Variants in FBXL17 observed in about 807,000 individuals in gnomAD.
FBXL17 encodes the protein F-box/LRR-repeat protein 17.
In FBXL17, 22 loss-of-function variants were observed where a neutral mutation model predicts 66.2. The observed-to-expected ratio is 0.33, with a 90% CI of 0.24 to 0.47. The LOEUF (loss-of-function observed/expected upper bound fraction) is 0.47, where lower values mean the gene tolerates loss of function less well. Among genes scored for constraint, FBXL17 ranks in the 20% least tolerant of loss-of-function variants. The pLI, the probability that FBXL17 is intolerant of heterozygous loss-of-function variation, is 1.00. For synonymous variants in FBXL17, 474 were observed against 400.5 expected, an observed-to-expected ratio of 1.18 and a Z score of -2.19; for missense variants, 878 against 948.2, an observed-to-expected ratio of 0.93 and a Z score of 0.97.
At chr5:107,956,044 G>A (rs1025216202) in intron 7 of FBXL17, among the ~76,000 whole-genome samples, 1 of 152,000 alleles carries the variant, frequency 6.6e-6, no homozygotes, top group Non-Finnish European at 1.5e-5. Flanking sequence ...GACACAGAAG[G>A]AATCTTATCA....
Position 108,367,931 on chromosome 5 carries a change from T to A in FBXL17, c.1016A>T (p.Asp339Val). The change falls in exon 2 of 9, where the codon GAT (aspartate) becomes GTT (valine). Residue 339 changes from aspartate to valine, a missense_variant. This residue lies in a region of FBXL17 where 605 missense variants were observed against 509.5 expected (regional missense o/e 1.19). Transcript: ENST00000542267. Reference protein sequence around the residue: ...LLKIFSNLSLDERCLSASLVC... With the variant: ...LLKIFSNLSLVERCLSASLVC... ...CAATGATGCGGAAAGGCAACGCTCATCCAGTGACAAATTGGAAAATATCTG... is the reference window on the plus strand; with the variant it reads ...CAATGATGCGGAAAGGCAACGCTCAACCAGTGACAAATTGGAAAATATCTG... 6.4e-7 allele frequency: 1 copy of A among 1,550,816 alleles called. No individual in the cohort carries two copies. Among genetic ancestry groups the A allele is most frequent in the Non-Finnish European group, 8.7e-7 (1 of 1,146,414 alleles).
At chr5:108,229,574 G>A (rs532795262) in intron 4 of FBXL17, among the ~76,000 whole-genome samples, 2 of 152,254 alleles carry the variant, frequency 1.3e-5, no homozygotes, top group South Asian at 4.2e-4. Flanking sequence ...AATCAAGATG[G>A]ATCAAGGACT....
chr5:107,893,850 T>C (rs1484831117), intron 7 of FBXL17, among the ~76,000 whole-genome samples: 1 of 152,190 alleles, frequency 6.6e-6, no homozygotes, highest in Middle Eastern at 3.2e-3. Context: ...ATTGGCAACA[T>C]TCACTTCCAC....
At chr5:108,039,449 T>C (rs950564289) in intron 6 of FBXL17, among the ~76,000 whole-genome samples, 8 of 152,122 alleles carry the variant, frequency 5.3e-5, no homozygotes, top group Non-Finnish European at 1.0e-4. Context: ...ACAAGTTATT[T>C]ATTTATATTC....
intron 5 of FBXL17, among the ~76,000 whole-genome samples, chr5:108,217,429 A>T (rs1754654130): frequency 6.6e-6 from 1 of 151,998 alleles, no homozygotes; most frequent in African/African-American, 2.4e-5. Flanking sequence ...CTGAGCTGTA[A>T]CACCGGCAAC....
chr5:108,148,231 A>C (rs1288181005), intron 6 of FBXL17, among the ~76,000 whole-genome samples: 1 of 151,540 alleles, frequency 6.6e-6, no homozygotes, highest in Admixed American at 6.6e-5. Context: ...TGTATATTAA[A>C]ATAGTGAGTG....
intron 7 of FBXL17, among the ~76,000 whole-genome samples, chr5:107,999,082 G>A (rs1753602863): frequency 6.6e-6 from 1 of 152,168 alleles, no homozygotes; most frequent in South Asian, 2.1e-4. Context: ...GGTGACTTGG[G>A]AGGACCTTGT....
chr5:108,067,734 T>C (rs1199206303), intron 6 of FBXL17, among the ~76,000 whole-genome samples: 1 of 152,212 alleles, frequency 6.6e-6, no homozygotes, highest in African/African-American at 2.4e-5. Context: ...TAAACTTGGA[T>C]CTGCTCCTAC....
chr5:107,963,747 C>T (rs777653230), intron 7 of FBXL17, among the ~76,000 whole-genome samples: 5 of 152,066 alleles, frequency 3.3e-5, no homozygotes, highest in South Asian at 2.1e-4. Flanking sequence ...GCAGAAAGCA[C>T]ATTTAGCTCT....
intron 4 of FBXL17, among the ~76,000 whole-genome samples, chr5:108,266,634 G>A (rs539137583): frequency 2.6e-4 from 39 of 152,202 alleles, no homozygotes; most frequent in Admixed American, 2.0e-3. Flanking sequence ...AAAGGTAGCA[G>A]TTTTGGACTT....
chr5:108,008,611 A>G (rs1754026441), intron 7 of FBXL17, among the ~76,000 whole-genome samples: 2 of 152,194 alleles, frequency 1.3e-5, no homozygotes, highest in Admixed American at 1.3e-4. Flanking sequence ...TGTATTATTC[A>G]TTAAAAGTTA....
At chr5:108,228,718 T>C (rs565642848) in intron 4 of FBXL17, among the ~76,000 whole-genome samples, 33 of 152,296 alleles carry the variant, frequency 2.2e-4, no homozygotes, top group Middle Eastern at 6.8e-3. Flanking sequence ...AAAAAGAGTG[T>C]ATTTAAAGCA....
chr5:108,253,089 TCAAAA>T (rs1756426955), intron 4 of FBXL17, among the ~76,000 whole-genome samples: 1 of 152,126 alleles, frequency 6.6e-6, no homozygotes, highest in South Asian at 2.1e-4. Context: ...TAAAGCATTC[TCAAAA>T]CAAACATTCA....
intron 5 of FBXL17, among the ~76,000 whole-genome samples, chr5:108,211,199 T>C (rs1350105681): frequency 1.3e-5 from 2 of 152,228 alleles, no homozygotes; most frequent in Non-Finnish European, 2.9e-5. Context: ...CCCTTCCCTT[T>C]ATTTTGAGCC....
chr5:108,105,361 G>A (rs1749757501), intron 6 of FBXL17, among the ~76,000 whole-genome samples: 1 of 152,206 alleles, frequency 6.6e-6, no homozygotes, highest in East Asian at 1.9e-4. Context: ...TTGTAATTGT[G>A]TCAATTTGGC....
intron 7 of FBXL17, among the ~76,000 whole-genome samples, chr5:107,993,256 T>C (rs548245767): frequency 5.9e-5 from 9 of 152,180 alleles, no homozygotes; most frequent in African/African-American, 2.2e-4. Context: ...TTTTCTCTCA[T>C]GTCTTAATGC....
chr5:107,874,417 G>A (rs1748552374), intron 8 of FBXL17, among the ~76,000 whole-genome samples: 2 of 152,098 alleles, frequency 1.3e-5, no homozygotes, highest in African/African-American at 4.8e-5. Context: ...CCTGACTTCG[G>A]GCTAAGGGCT....
chr5:107,959,538 C>T (rs1038169206), intron 7 of FBXL17, among the ~76,000 whole-genome samples: 3 of 151,992 alleles, frequency 2.0e-5, no homozygotes, highest in South Asian at 2.1e-4. Context: ...TCAAACTCAC[C>T]GGTTTATTTG....
At chr5:108,210,565 T>C (rs1478937105) in intron 5 of FBXL17, among the ~76,000 whole-genome samples, 3 of 152,244 alleles carry the variant, frequency 2.0e-5, no homozygotes, top group African/African-American at 4.8e-5. Flanking sequence ...CATTTTATTA[T>C]TTACCCAGTA....
Sources: gnomAD v4.1 joint callset for allele counts (sites outside exome capture counted in the v4.1 genomes callset) on GRCh38, gnomAD v4.1.1 for gene constraint, gnomAD v4.1.1 regional missense constraint, MANE v1.5 for transcripts, NCBI Gene and HGNC (gene_info 2026-07-23, HGNC 2026-07-21) for gene names.